The following CCDC85A variants were observed in gnomAD, a reference collection of about 807,000 sequenced individuals.
CCDC85A encodes coiled-coil domain containing 85A, also known as coiled-coil domain-containing protein 85A.
Under a neutral mutation model 50.2 loss-of-function variants are expected in CCDC85A, and 38 were observed. The observed-to-expected ratio is 0.76, with a 90% CI of 0.58 to 0.99. The LOEUF is 0.99. Among genes scored for constraint, CCDC85A ranks in the 50% least tolerant of loss-of-function variants. The pLI is 0.00. For missense variants in CCDC85A, 820 were observed against 742.0 expected, an observed-to-expected ratio of 1.11 and a Z score of -1.22; for synonymous variants, 366 against 301.4, an observed-to-expected ratio of 1.21 and a Z score of -2.22.
intron 2 of CCDC85A, among the ~76,000 whole-genome samples, chr2:56,340,876 CAA>C (rs61603853): frequency 0.21 from 11,697 of 56,922 alleles, 239 homozygotes; most frequent in African/African-American, 0.28. Flanking sequence ...AACTCCATCT[CAA>C]AAAAAAAAAA....
chr2:56,233,408 A>C lies in CCDC85A; in HGVS notation c.1240+39968A>C, dbSNP rs1668861422. 2.6e-5 allele frequency among the ~76,000 whole-genome samples: 4 copies of C among 152,304 alleles called. No homozygotes were observed. The South Asian group carries it at 8.3e-4, about 32-fold the overall frequency. On this transcript the variant is annotated intron_variant, in intron 2 of 5. Transcript: ENST00000407595. Reference sequence around the variant, plus strand: ...AATACATGCTAAACATTTGTGTTGAAGAATCATGGCATGCTCAAATTAGAC... The same window carrying C: ...AATACATGCTAAACATTTGTGTTGACGAATCATGGCATGCTCAAATTAGAC...
At chr2:56,231,362 C>A (rs1668765149) in intron 2 of CCDC85A, among the ~76,000 whole-genome samples, 1 of 152,196 alleles carries the variant, frequency 6.6e-6, no homozygotes, top group Non-Finnish European at 1.5e-5. Context: ...TTCAGTCTAA[C>A]AGTGTCCCTT....
At chr2:56,189,204 C>G (rs1367814003) in intron 1 of CCDC85A, among the ~76,000 whole-genome samples, 4 of 151,926 alleles carry the variant, frequency 2.6e-5, no homozygotes, top group Non-Finnish European at 5.9e-5. Flanking sequence ...CCTTTCAGGC[C>G]TGGCTGAGGG....
At chr2:56,322,228 C>G (rs1357457717) in intron 2 of CCDC85A, among the ~76,000 whole-genome samples, 9 of 152,202 alleles carry the variant, frequency 5.9e-5, no homozygotes. Context: ...AGGCCATAGG[C>G]ATGGGCAAGG....
intron 2 of CCDC85A, among the ~76,000 whole-genome samples, chr2:56,294,963 G>T (rs1026146606): frequency 6.6e-6 from 1 of 152,076 alleles, no homozygotes; most frequent in Non-Finnish European, 1.5e-5. Context: ...CAATTCTGAG[G>T]ACTAAATACA....
At chr2:56,292,575 A>C (rs1257648879) in intron 2 of CCDC85A, among the ~76,000 whole-genome samples, 1 of 152,178 alleles carries the variant, frequency 6.6e-6, no homozygotes, top group Admixed American at 6.5e-5. Context: ...GGGGAAAATA[A>C]ATTAGTTTTG....
chr2:56,376,787 T>C (rs565650952), intron 5 of CCDC85A, among the ~76,000 whole-genome samples: 5 of 152,350 alleles, frequency 3.3e-5, no homozygotes, highest in African/African-American at 1.2e-4. Flanking sequence ...TTCTAACATG[T>C]AGCTTTGATC....
intron 2 of CCDC85A, among the ~76,000 whole-genome samples, chr2:56,291,322 A>T (rs1276132108): frequency 6.6e-6 from 1 of 152,212 alleles, no homozygotes; most frequent in Non-Finnish European, 1.5e-5. Flanking sequence ...ATTAGGAGAC[A>T]GGCACTGTGC....
chr2:56,192,556 G>A lies in CCDC85A; in HGVS notation c.356G>A (p.Gly119Asp), dbSNP rs754391664. ...TTCCTGGATGATGACCGGCAGAAAG[G>A]CAAGAGGGTGTCTCGGGAGTGGCAG... ...CCFLDDDRQK[G>D]KRVSREWQRL... is the part of the protein sequence containing the mutation. The change falls in exon 2 of 6, where the codon GGC (glycine) becomes GAC (aspartate). Residue 119 changes from glycine to aspartate, a missense_variant. Transcript: ENST00000407595. The surrounding 1 kb of genome is among the most constrained non-coding windows in gnomAD (Gnocchi z 4.7). 4.9e-5 allele frequency: 79 copies of A among 1,613,814 alleles called. No homozygotes were observed. Among genetic ancestry groups the A allele is most frequent in the Non-Finnish European group, 6.6e-5 (78 of 1,179,880 alleles).
intron 2 of CCDC85A, among the ~76,000 whole-genome samples, chr2:56,335,896 G>C (rs1573287684): frequency 6.6e-6 from 1 of 152,160 alleles, no homozygotes; most frequent in East Asian, 1.9e-4. Context: ...CACTGCGCCT[G>C]ACCCAAACTC....
intron 2 of CCDC85A, among the ~76,000 whole-genome samples, chr2:56,218,967 C>G (rs1260058224): frequency 6.6e-6 from 1 of 151,514 alleles, no homozygotes; most frequent in Non-Finnish European, 1.5e-5. Flanking sequence ...TTATTCATTA[C>G]TTACGTGTTT....
rs1558575826 is a variant in CCDC85A at position 56,192,449 on chromosome 2, C to T, written c.277-28C>T. The T allele has an allele frequency of 1.3e-6, 2 of 1,581,026 alleles. No individual in the cohort carries two copies. Among genetic ancestry groups the T allele is most frequent in the Non-Finnish European group, 1.7e-6 (2 of 1,163,798 alleles). On this transcript the variant is annotated intron_variant, in intron 1 of 5. Transcript: ENST00000407595. This position sits in a 1 kb window ranked among gnomAD's most constrained non-coding sequence, Gnocchi z 4.7. ...TGCTGACACCTCAGATGTGTACTTC[C>T]CTTGAATGGTTGTGTCTCTCTTTTC...
chr2:56,287,868 T>A (rs1361575321), intron 2 of CCDC85A, among the ~76,000 whole-genome samples: 2 of 152,138 alleles, frequency 1.3e-5, no homozygotes, highest in Non-Finnish European at 2.9e-5. Context: ...GTGTGAAATT[T>A]TTCTCCTATT....
intron 2 of CCDC85A, among the ~76,000 whole-genome samples, chr2:56,209,854 A>G (rs925054260): frequency 6.6e-6 from 1 of 152,048 alleles, no homozygotes; most frequent in African/African-American, 2.4e-5. Flanking sequence ...CCTGCTTTAT[A>G]GGTCATAGAT....
At chr2:56,234,872 A>G (rs924804595) in intron 2 of CCDC85A, among the ~76,000 whole-genome samples, 4 of 152,208 alleles carry the variant, frequency 2.6e-5, no homozygotes, top group Non-Finnish European at 5.9e-5. Context: ...TTACCACATT[A>G]TGAAAGGTTG....
intron 2 of CCDC85A, among the ~76,000 whole-genome samples, chr2:56,216,159 A>G (rs1677384595): frequency 1.3e-5 from 2 of 151,882 alleles, no homozygotes; most frequent in African/African-American, 4.8e-5. Flanking sequence ...CAAAATGTGT[A>G]GTTTTGGCAA....
chr2:56,232,800 A>G (rs979711121), intron 2 of CCDC85A, among the ~76,000 whole-genome samples: 8 of 152,150 alleles, frequency 5.3e-5, no homozygotes, highest in Admixed American at 4.6e-4. Flanking sequence ...CTGGTCCAAG[A>G]CATCACCATT....
chr2:56,231,730 G>A (rs1461485275), intron 2 of CCDC85A, among the ~76,000 whole-genome samples: 1 of 152,122 alleles, frequency 6.6e-6, no homozygotes, highest in Non-Finnish European at 1.5e-5. Context: ...GCATGTGTTA[G>A]TGTACATTAT....
intron 2 of CCDC85A, among the ~76,000 whole-genome samples, chr2:56,337,447 A>G (rs916426102): frequency 6.6e-6 from 1 of 152,204 alleles, no homozygotes; most frequent in African/African-American, 2.4e-5. Flanking sequence ...GCTTTTCCAG[A>G]TAGGTGACTG....
Sources: allele counts gnomAD v4.1 joint callset (sites outside exome capture counted in the v4.1 genomes callset), GRCh38; gene constraint gnomAD v4.1.1; non-coding constraint Gnocchi (gnomAD v3.1); transcripts MANE v1.5; gene names NCBI Gene and HGNC (gene_info 2026-07-23, HGNC 2026-07-21).